TPM4: variants seen among roughly 807,000 people sequenced by gnomAD.
The protein encoded by TPM4 is tropomyosin 4.
A neutral mutation model predicts 35.8 loss-of-function variants in TPM4; 17 were observed. That is an observed-to-expected ratio of 0.47 (90% CI 0.32 to 0.71). The LOEUF (loss-of-function observed/expected upper bound fraction) is 0.71. TPM4 is among the 30% of genes least tolerant of loss of function. The probability of loss-of-function intolerance (pLI) is 0.03; values close to 1 mark genes in which losing one functional copy is unlikely to be tolerated. For missense variants in TPM4, 240 were observed against 320.9 expected (o/e 0.75, Z 1.93); for synonymous variants, 120 against 122.9 (o/e 0.98, Z 0.15).
rs376887337 is a variant in TPM4 at position 16,093,472 on chromosome 19, G to T, written c.532-64G>T. 152 of 1,593,102 alleles carry T rather than the reference G, an allele frequency of 9.5e-5. No homozygotes were observed. The African/African-American group carries it at 1.9e-3, about 20-fold the overall frequency. On this transcript the variant is annotated intron_variant, in intron 5 of 7. Transcript: ENST00000643579. Reference sequence around the variant, plus strand: ...GGCTCCCAAAGTGCCAGGATTCCAGGCATGAGCCACCATGCCTGGCTGGGC... The same window carrying T: ...GGCTCCCAAAGTGCCAGGATTCCAGTCATGAGCCACCATGCCTGGCTGGGC...
At chr19:16,073,999 G>A (rs73003793), upstream of TPM4, among the ~76,000 whole-genome samples, 1 of 94,782 alleles carries the variant, frequency 1.1e-5, no homozygotes, top group Non-Finnish European at 2.0e-5. Context: ...CACACAGCAA[G>A]ATCAGGTTAA....
intron 1 of TPM4, 143 bp from the exon 2 acceptor site, chr19:16,081,770 T>G (rs2090485614): frequency 3.0e-5 from 32 of 1,075,120 alleles, no homozygotes; most frequent in Non-Finnish European, 3.9e-5. Flanking sequence ...AATTTTGGTA[T>G]GAGTGTAAAT....
intron 7 of TPM4, among the ~76,000 whole-genome samples, chr19:16,096,950 T>A (rs1053483619): frequency 2.9e-5 from 2 of 69,498 alleles, no homozygotes; most frequent in Admixed American, 3.1e-4. Context: ...TTTTTTTTTT[T>A]TTTTTTTTTT....
chr19:16,067,867 G>A lies in TPM4; in HGVS notation c.114+129G>A. 1.2e-6 allele frequency: 1 copy of A among 831,262 alleles called. No individual in the cohort carries two copies. The highest frequency in any genetic ancestry group is 1.7e-5 in the South Asian group (1 of 57,578). The allele number at this position is 831,262 out of a possible 1,614,324, so 51.5% of individuals were successfully genotyped here. On this transcript the variant is annotated intron_variant, in intron 2 of 2. Coordinates refer to the TPM4 transcript ENST00000589897. This position sits in a 1 kb window ranked among gnomAD's most constrained non-coding sequence, Gnocchi z 4.1. ...ATAGGAGGCTGATGCTTTGGCGGAG[G>A]AAGAGCGAGGGGACCATTGCCTTCC...
intron 1 of TPM4, chr19:16,081,036 A>T: frequency 2.5e-6 from 1 of 398,554 alleles, no homozygotes; most frequent in Non-Finnish European, 4.4e-6. Context: ...GGATTGAAGG[A>T]TGGAATTCCA....
chr19:16,093,600 T>C lies in TPM4; in HGVS notation c.594+2T>C. On this transcript the variant is annotated splice_donor_variant, in intron 6 of 7. Transcript: ENST00000643579. LOFTEE classifies it high-confidence loss of function. ...CTTCTGTCTGACAAACTGAAAGAGG[T>C]GAGTGTGGTGGCACCCAGCGAGCTC... 1 of 1,613,972 alleles carries C rather than the reference T, an allele frequency of 6.2e-7. No individual in the cohort carries two copies.
chr19:16,070,931 A>G lies in TPM4; in HGVS notation c.114+3193A>G, dbSNP rs2090351248. On this transcript the variant is annotated intron_variant, in intron 2 of 2. Transcript: ENST00000589897. The surrounding 1 kb of genome is among the most constrained non-coding windows in gnomAD (Gnocchi z 7.4). ...CATCATTTAGCCCTCACCATGAGGG[A>G]CTTAGCCAGAGATTCGGAGAGAAAC... Among the ~76,000 whole-genome samples the G allele has an allele frequency of 6.6e-6, 1 of 152,186 alleles. No homozygotes were observed. The highest frequency in any genetic ancestry group is 1.5e-5 in the Non-Finnish European group (1 of 68,026).
At chr19:16,093,454 A>T (rs1453531599) in intron 5 of TPM4, 82 bp from the exon 6 acceptor site, 1 of 1,528,742 alleles carries the variant, frequency 6.5e-7, no homozygotes, top group African/African-American at 1.4e-5. Flanking sequence ...TCAGGCTCCC[A>T]AAGTGCCAGG....
Position 16,070,555 on chromosome 19 carries a change from G to A in TPM4, c.114+2817G>A, listed in dbSNP as rs1449559100. Among the ~76,000 whole-genome samples the A allele has an allele frequency of 6.6e-6, 1 of 152,200 alleles. No homozygotes were observed. Among genetic ancestry groups the A allele is most frequent in the Non-Finnish European group, 1.5e-5 (1 of 68,020 alleles). The stretch of plus-strand genomic sequence containing the variant: ...TCAGACTGGCCATGTTTGAGTCATG[G>A]CTCAGTCGCTAGGTGTCCCGGACGC... On this transcript the variant is annotated intron_variant, in intron 2 of 2. Coordinates refer to the TPM4 transcript ENST00000589897. This position sits in a 1 kb window ranked among gnomAD's most constrained non-coding sequence, Gnocchi z 7.4.
At chr19:16,082,076 G>A (rs367737813) in intron 2 of TPM4, 30 bp downstream of exon 2, 46 of 1,581,338 alleles carry the variant, frequency 2.9e-5, no homozygotes, top group African/African-American at 2.0e-4. Flanking sequence ...GGTGGCATCC[G>A]TGTTTGCTTT....
At position 16,087,983 on chromosome 19, in the gene TPM4, G is replaced by A. The variant is rs114561872; in HGVS notation, c.385-44G>A. On this transcript the variant is annotated intron_variant, in intron 3 of 7. Coordinates refer to ENST00000643579, the MANE Select transcript of TPM4 (RefSeq NM_003290.3). The stretch of plus-strand genomic sequence containing the variant: ...GTCTGCAGTGGATGGGAGAGGACAC[G>A]GCTGGTGGGGATCGGGCTCAGCTGG... The A allele has an allele frequency of 1.2e-3, 1,900 of 1,582,764 alleles. 18 individuals are homozygous for A. The African/African-American group carries it at 0.023, about 19-fold the overall frequency.
chr19:16,096,392 T>C (rs552318903), intron 7 of TPM4, among the ~76,000 whole-genome samples: 1 of 152,248 alleles, frequency 6.6e-6, no homozygotes, highest in Admixed American at 6.5e-5. Context: ...AAATAGAAAT[T>C]GTTGTGAATG....
Position 16,101,256 on chromosome 19 carries a change from C to A in TPM4, c.665-8C>A. 6.3e-7 allele frequency: 1 copy of A among 1,593,492 alleles called. No homozygotes were observed. Among genetic ancestry groups the A allele is most frequent in the East Asian group, 2.2e-5 (1 of 44,486 alleles). On this transcript the variant is annotated splice_region_variant and splice_polypyrimidine_tract_variant and intron_variant, in intron 7 of 7. Coordinates refer to ENST00000643579, the MANE Select transcript of TPM4 (RefSeq NM_003290.3). ...TTTATCTTTCCCCATACTCTTAATC[C>A]TCACCAGAGAAACTTGCCCAGGCCA... is the stretch of plus-strand genomic sequence containing the variant.
At chr19:16,072,145 C>CT (rs2090362045), upstream of TPM4, among the ~76,000 whole-genome samples, 1 of 152,198 alleles carries the variant, frequency 6.6e-6, no homozygotes, top group Non-Finnish European at 1.5e-5. Flanking sequence ...TCCTCACTGC[C>CT]TACCACTGAA....
upstream of TPM4, chr19:16,076,259 G>A (rs2090403911): frequency 1.3e-6 from 2 of 1,535,192 alleles, no homozygotes; most frequent in South Asian, 1.2e-5. Flanking sequence ...AGGGGGAGGA[G>A]GAAGAGGAGG....
chr19:16,086,336 C>CCT (rs1246508786), intron 2 of TPM4, 87 bp from the exon 3 acceptor site: 1 of 1,218,276 alleles, frequency 8.2e-7, no homozygotes, highest in Non-Finnish European at 1.2e-6. Context: ...GATGACAGAG[C>CCT]GAGACTCCAT....
intron 2 of TPM4, among the ~76,000 whole-genome samples, chr19:16,069,049 A>C (rs1476166628): frequency 2.0e-5 from 3 of 152,126 alleles, no homozygotes; most frequent in African/African-American, 7.2e-5. Context: ...GTGCTTGAGC[A>C]AACGCTGGTA....
intron 4 of TPM4, 197 bp from the exon 5 acceptor site, chr19:16,088,848 T>G: frequency 7.2e-7 from 1 of 1,382,498 alleles, no homozygotes. Context: ...CGCCTCTGCC[T>G]GGTATGATAA....
chr19:16,082,989 T>C (rs1364489760), intron 2 of TPM4, among the ~76,000 whole-genome samples: 3 of 61,318 alleles, frequency 4.9e-5, no homozygotes, highest in African/African-American at 1.4e-4. Flanking sequence ...AGATTCTGTC[T>C]CAAAAAAAAA....
Sources: gnomAD v4.1 joint callset for allele counts (sites outside exome capture counted in the v4.1 genomes callset) on GRCh38, gnomAD v4.1.1 for gene constraint, Gnocchi (gnomAD v3.1) non-coding constraint, MANE v1.5 for transcripts, NCBI Gene and HGNC (gene_info 2026-07-23, HGNC 2026-07-21) for gene names.